Variants in KIAA0825 observed in about 807,000 individuals in gnomAD.
KIAA0825 encodes the protein KIAA0825, also known as uncharacterized protein KIAA0825.
Under a neutral mutation model 147.6 loss-of-function variants are expected in KIAA0825, and 119 were observed. The ratio of observed to expected loss-of-function variants is 0.81; its 90% CI spans 0.69 to 0.94. The LOEUF (loss-of-function observed/expected upper bound fraction) is 0.94, where lower values mean the gene tolerates loss of function less well. Ranked by LOEUF, KIAA0825 falls within the 40% of genes least tolerant of loss-of-function variation. The pLI is 0.00. For synonymous variants in KIAA0825, 470 were observed against 518.1 expected, an observed-to-expected ratio of 0.91 and a Z score of 1.26; for missense variants, 1,381 against 1,472.7, an observed-to-expected ratio of 0.94 and a Z score of 1.02.
chr5:94,599,502 T>TA (rs541027051), intron 1 of KIAA0825, among the ~76,000 whole-genome samples: 7 of 150,908 alleles, frequency 4.6e-5, no homozygotes, highest in South Asian at 2.1e-4. Flanking sequence ...CACAAGATAT[T>TA]AAAAAAAAAC....
intron 20 of KIAA0825, among the ~76,000 whole-genome samples, chr5:94,209,282 C>T (rs1255579311): frequency 6.6e-6 from 1 of 152,120 alleles, no homozygotes; most frequent in East Asian, 1.9e-4. Context: ...ATCATAGAAA[C>T]ACACATAACA....
chr5:94,291,704 G>A (rs1421492869), intron 20 of KIAA0825, among the ~76,000 whole-genome samples: 3 of 152,256 alleles, frequency 2.0e-5, no homozygotes, highest in African/African-American at 7.2e-5. Flanking sequence ...ACTTTGGGCA[G>A]TATGGCCATT....
chr5:94,387,145 A>G (rs1749261619), intron 18 of KIAA0825, among the ~76,000 whole-genome samples: 1 of 152,224 alleles, frequency 6.6e-6, no homozygotes, highest in East Asian at 1.9e-4. Context: ...TACTATTAAT[A>G]AATAAGTCAT....
chr5:94,440,113 G>A lies in KIAA0825; in HGVS notation c.2366C>T (p.Ser789Leu). The A allele has an allele frequency of 6.5e-7, 1 of 1,550,354 alleles. No individual in the cohort carries two copies. The highest frequency in any genetic ancestry group is 8.7e-7 in the Non-Finnish European group (1 of 1,146,464). Residue 789 changes from serine to leucine, a missense_variant, in exon 14 of 21, where the codon TCA becomes TTA. Coordinates refer to ENST00000682413, the MANE Select transcript of KIAA0825 (RefSeq NM_001145678.3). ...ACCCTCGGCTTTCAGTCCTCCAGCT[G>A]ATGGAGTCCTTTCAAAATGCAAGAT... ...HFYPSLLRTPSAGGLKAEGQL... is the reference protein window; with the variant it reads ...HFYPSLLRTPLAGGLKAEGQL...
chr5:94,610,504 C>T (rs965146619), intron 1 of KIAA0825, among the ~76,000 whole-genome samples: 9 of 149,342 alleles, frequency 6.0e-5, no homozygotes, highest in Non-Finnish European at 1.3e-4. Flanking sequence ...TGGCTCACAC[C>T]TGTAATCCTA....
intron 1 of KIAA0825, chr5:94,594,076 T>C (rs911602770): frequency 5.6e-6 from 3 of 539,460 alleles, no homozygotes; most frequent in Admixed American, 2.0e-5. Context: ...CTTAGGTATA[T>C]TGGATCCTCT....
chr5:94,558,654 G>A (rs1293935871), intron 2 of KIAA0825, among the ~76,000 whole-genome samples: 1 of 152,186 alleles, frequency 6.6e-6, no homozygotes, highest in African/African-American at 2.4e-5. Context: ...CTCTAGACCT[G>A]TGATGAGGTT....
intron 20 of KIAA0825, among the ~76,000 whole-genome samples, chr5:94,345,952 A>T (rs1584196297): frequency 6.6e-6 from 1 of 152,128 alleles, no homozygotes; most frequent in East Asian, 1.9e-4. Flanking sequence ...GGTAATTAGA[A>T]CAGAACAGAA....
Position 94,202,100 on chromosome 5 carries a change from A to G in KIAA0825, c.3711-47976T>C, listed in dbSNP as rs554876849. Among the ~76,000 whole-genome samples the G allele has an allele frequency of 2.0e-5, 3 of 152,338 alleles. No homozygotes were observed. In the South Asian group the frequency reaches 6.2e-4, roughly 32 times the overall value. ...TTTGCTAAAACTGGATTTAACAAGGAAGTGCACAGATGGACCTAGGAGAAT... is the reference window on the plus strand; with the variant it reads ...TTTGCTAAAACTGGATTTAACAAGGGAGTGCACAGATGGACCTAGGAGAAT... On this transcript the variant is annotated intron_variant, in intron 20 of 20. Transcript: ENST00000682413.
intron 14 of KIAA0825, among the ~76,000 whole-genome samples, chr5:94,434,774 C>T (rs1022268904): frequency 1.3e-5 from 2 of 152,054 alleles, no homozygotes; most frequent in Non-Finnish European, 2.9e-5. Flanking sequence ...TATTAGGAAC[C>T]CCCTTGAGCA....
intron 14 of KIAA0825, among the ~76,000 whole-genome samples, chr5:94,431,905 C>T (rs896132197): frequency 2.6e-5 from 4 of 152,146 alleles, no homozygotes; most frequent in African/African-American, 9.7e-5. Context: ...AAGTTGGCCA[C>T]ATCTAGAGCA....
chr5:94,151,423 C>CAA lies in KIAA0825; in HGVS notation c.*2582_*2583dup, dbSNP rs11363132. ...TGGGCGACAGAGCGAGACTCCGTCT[C>CAA]AAAAAAAAAAAAAAAAAAAAAAAAA... On this transcript the variant is annotated 3_prime_UTR_variant, in exon 21 of 21. Coordinates refer to ENST00000682413, the MANE Select transcript of KIAA0825 (RefSeq NM_001145678.3). 6.3e-3 allele frequency among the ~76,000 whole-genome samples: 136 copies of CAA among 21,500 alleles called. 11 individuals are homozygous for CAA. The highest frequency in any genetic ancestry group is 7.0e-3 in the African/African-American group (45 of 6,462). The allele number at this position is 21,500 out of a possible 152,430, so 14.1% of individuals were successfully genotyped here.
Position 94,376,920 on chromosome 5 carries a change from T to C in KIAA0825, c.3710+7448A>G, listed in dbSNP as rs117858426. Among the ~76,000 whole-genome samples the C allele has an allele frequency of 5.6e-3, 846 of 152,304 alleles. 29 individuals carry two copies. The highest frequency in any genetic ancestry group is 0.049 in the Admixed American group (748 of 15,294). ...TGCTGCTGCACCAGGAATTTACTGC[T>C]GTGAGCAACTATAAACATTGTGTTA... On this transcript the variant is annotated intron_variant, in intron 20 of 20. Transcript: ENST00000682413.
rs368445573 is a variant in KIAA0825 at position 94,265,742 on chromosome 5, A to C, written c.3711-111618T>G. ...CTTGAACCCGGGAGGCGGAGGTTGC[A>C]GTGAGCCGAGATTGCGCCATTGCAT... On this transcript the variant is annotated intron_variant, in intron 20 of 20. Coordinates refer to ENST00000682413, the MANE Select transcript of KIAA0825 (RefSeq NM_001145678.3). Among the ~76,000 whole-genome samples, 85 of 152,302 alleles carry C rather than the reference A, an allele frequency of 5.6e-4. 1 individual carries two copies. The highest frequency in any genetic ancestry group is 1.9e-3 in the African/African-American group (79 of 41,572).
At chr5:94,562,017 A>G (rs1777643614) in intron 2 of KIAA0825, among the ~76,000 whole-genome samples, 1 of 152,302 alleles carries the variant, frequency 6.6e-6, no homozygotes, top group Admixed American at 6.5e-5. Flanking sequence ...CATTTTTAAA[A>G]AATTGTGAAA....
At chr5:94,513,002 G>A (rs141373977) in intron 5 of KIAA0825, among the ~76,000 whole-genome samples, 279 of 152,270 alleles carry the variant, frequency 1.8e-3, no homozygotes, top group Admixed American at 4.6e-3. Flanking sequence ...CACTCTGTAC[G>A]CTGTAGCAAC....
intron 5 of KIAA0825, among the ~76,000 whole-genome samples, chr5:94,494,574 TA>T (rs910562529): frequency 2.6e-5 from 4 of 152,134 alleles, no homozygotes; most frequent in Admixed American, 1.3e-4. Flanking sequence ...AACATCCTAA[TA>T]AAAAGACATC....
chr5:94,424,277 A>G (rs1754556183), intron 14 of KIAA0825, among the ~76,000 whole-genome samples: 1 of 152,118 alleles, frequency 6.6e-6, no homozygotes, highest in Non-Finnish European at 1.5e-5. Flanking sequence ...AGGATAGACC[A>G]TATGTTAGAA....
At chr5:94,500,723 G>T (rs1016365437) in intron 5 of KIAA0825, among the ~76,000 whole-genome samples, 4 of 152,134 alleles carry the variant, frequency 2.6e-5, no homozygotes, top group Non-Finnish European at 4.4e-5. Context: ...GAATCATCAT[G>T]ATAAACAAAA....
Sources: gnomAD v4.1 joint callset for allele counts (sites outside exome capture counted in the v4.1 genomes callset) on GRCh38, gnomAD v4.1.1 for gene constraint, MANE v1.5 for transcripts, NCBI Gene and HGNC (gene_info 2026-07-23, HGNC 2026-07-21) for gene names.